CACHD1: variants seen among roughly 807,000 people sequenced by gnomAD.
The protein encoded by CACHD1 is cache domain containing 1.
Under a neutral mutation model 138.7 loss-of-function variants are expected in CACHD1, and 71 were observed. That is an observed-to-expected ratio of 0.51 (90% confidence interval 0.42 to 0.62). The LOEUF (loss-of-function observed/expected upper bound fraction) is 0.62, where lower values mean the gene tolerates loss of function less well. Among genes scored for constraint, CACHD1 ranks in the 20% least tolerant of loss-of-function variants. CACHD1 has a pLI of 0.00. For synonymous variants in CACHD1, 578 were observed against 591.5 expected, an observed-to-expected ratio of 0.98 and a Z score of 0.33; for missense variants, 1,389 against 1,625.3, an observed-to-expected ratio of 0.85 and a Z score of 2.50.
At position 64,671,631 on chromosome 1, in the gene CACHD1, A is replaced by G; in HGVS notation, c.2455A>G (p.Lys819Glu). ...GIDFTLRYFY[K>E]VLMDLLPVCN... ...TGACTTCACACTCAGATACTTCTACAAAGTTCTGATGGACCTATTACCTGT... is the reference window on the plus strand; with the variant it reads ...TGACTTCACACTCAGATACTTCTACGAAGTTCTGATGGACCTATTACCTGT... Residue 819 changes from lysine to glutamate, a missense_variant, in exon 17 of 27, where the codon AAA (lysine) becomes GAA (glutamate). This residue lies in a region of CACHD1 where 1,000 missense variants were observed against 1,114.7 expected (regional missense o/e 0.90). Coordinates refer to ENST00000651257, the MANE Select transcript of CACHD1 (RefSeq NM_020925.4). 6.2e-7 allele frequency: 1 copy of G among 1,614,086 alleles called. No individual in the cohort carries two copies. The highest frequency in any genetic ancestry group is 8.5e-7 in the Non-Finnish European group (1 of 1,179,976).
intron 4 of CACHD1, among the ~76,000 whole-genome samples, chr1:64,628,564 G>C (rs1445931514): frequency 6.6e-6 from 1 of 152,172 alleles, no homozygotes; most frequent in Admixed American, 6.5e-5. Flanking sequence ...TTGGCACTTG[G>C]GCTGAGGGAA....
In CACHD1 at chr1:64,483,871, C is replaced by A. The variant is rs532454296; in HGVS notation, c.198+12929C>A. On this transcript the variant is annotated intron_variant, in intron 1 of 26. Coordinates refer to ENST00000651257, the MANE Select transcript of CACHD1 (RefSeq NM_020925.4). ...TGACCTTATCTTTTACCTTCCCCCCCCCCCTTGCATATAACTCTGTTCTTT... is the reference window on the plus strand; with the variant it reads ...TGACCTTATCTTTTACCTTCCCCCCACCCCTTGCATATAACTCTGTTCTTT... 2.3e-3 allele frequency among the ~76,000 whole-genome samples: 334 copies of A among 146,036 alleles called. 3 individuals are homozygous for A. In the East Asian group the frequency reaches 0.026, roughly 11 times the overall value.
rs988824245 is a variant in CACHD1, at chr1:64,566,490, C to A, written c.262-15666C>A. Among the ~76,000 whole-genome samples the A allele has an allele frequency of 3.3e-4, 47 of 143,442 alleles. 3 individuals carry two copies. Among genetic ancestry groups the A allele is most frequent in the Middle Eastern group, 3.5e-3 (1 of 282 alleles). 94.1% of individuals were successfully genotyped at this position (143,442 alleles called of 152,430 possible). ...TGTATGTTTTCAATTCCCCCCCCCCCACAAGGTATGGGGGAAGTACTGCCT... is the reference window on the plus strand; with the variant it reads ...TGTATGTTTTCAATTCCCCCCCCCCAACAAGGTATGGGGGAAGTACTGCCT... On this transcript the variant is annotated intron_variant, in intron 2 of 26. Coordinates refer to ENST00000651257, the MANE Select transcript of CACHD1 (RefSeq NM_020925.4).
chr1:64,495,885 G>A (rs959988998), intron 1 of CACHD1, among the ~76,000 whole-genome samples: 3 of 151,944 alleles, frequency 2.0e-5, no homozygotes, highest in Non-Finnish European at 2.9e-5. Flanking sequence ...ACAAAAGTTG[G>A]AATATCTAAT....
intron 1 of CACHD1, among the ~76,000 whole-genome samples, chr1:64,490,096 C>T (rs2100295157): frequency 6.6e-6 from 1 of 152,262 alleles, no homozygotes; most frequent in East Asian, 1.9e-4. Flanking sequence ...CATCTCAGCC[C>T]CTGCCCACTT....
At chr1:64,611,463 G>A (rs1273708696) in intron 4 of CACHD1, among the ~76,000 whole-genome samples, 1 of 152,180 alleles carries the variant, frequency 6.6e-6, no homozygotes. Flanking sequence ...AAACAGCAAG[G>A]TCAACTCTTG....
intron 2 of CACHD1, among the ~76,000 whole-genome samples, chr1:64,560,584 T>C (rs550465171): frequency 5.8e-4 from 88 of 152,252 alleles, no homozygotes; most frequent in Middle Eastern, 3.4e-3. Context: ...TTCAATCCTT[T>C]TTAATTAATT....
intron 25 of CACHD1, among the ~76,000 whole-genome samples, chr1:64,681,706 G>C (rs1015234586): frequency 4.0e-5 from 6 of 151,758 alleles, no homozygotes; most frequent in African/African-American, 1.5e-4. Context: ...ACAACTCAGG[G>C]AGGAAAAAAG....
intron 1 of CACHD1, among the ~76,000 whole-genome samples, chr1:64,520,295 A>G (rs1330358768): frequency 2.0e-5 from 3 of 152,168 alleles, no homozygotes; most frequent in Non-Finnish European, 4.4e-5. Context: ...TTTACCAGGG[A>G]TGGCCCATTT....
chr1:64,499,495 G>T (rs1646325298), intron 1 of CACHD1, among the ~76,000 whole-genome samples: 1 of 152,192 alleles, frequency 6.6e-6, no homozygotes, highest in Non-Finnish European at 1.5e-5. Flanking sequence ...GAGTATGATT[G>T]TATTAGGAGA....
chr1:64,617,684 A>G (rs1570421238), intron 4 of CACHD1, among the ~76,000 whole-genome samples: 1 of 152,298 alleles, frequency 6.6e-6, no homozygotes, highest in African/African-American at 2.4e-5. Context: ...GGCATGATCA[A>G]TGTGGTGGCA....
At chr1:64,628,137 A>G (rs528981011) in intron 4 of CACHD1, among the ~76,000 whole-genome samples, 6 of 152,358 alleles carry the variant, frequency 3.9e-5, no homozygotes, top group Non-Finnish European at 5.9e-5. Context: ...GTGAAGATCC[A>G]TCATCATTGT....
chr1:64,530,933 GTTT>G (rs369893062), intron 1 of CACHD1, among the ~76,000 whole-genome samples: 1 of 130,180 alleles, frequency 7.7e-6, no homozygotes, highest in African/African-American at 3.0e-5. Flanking sequence ...GTTTTTTTTT[GTTT>G]TTTTTTTTTT....
At chr1:64,567,260 A>G (rs2100500605) in intron 2 of CACHD1, among the ~76,000 whole-genome samples, 1 of 152,158 alleles carries the variant, frequency 6.6e-6, no homozygotes, top group South Asian at 2.1e-4. Context: ...GCATTTGTTC[A>G]TGCATTTGAT....
Position 64,676,993 on chromosome 1 carries a change from G to T in CACHD1, c.3074G>T (p.Ser1025Ile). 6.2e-7 allele frequency: 1 copy of T among 1,613,556 alleles called. No homozygotes were observed. Among genetic ancestry groups the T allele is most frequent in the Non-Finnish European group, 8.5e-7 (1 of 1,179,644 alleles). ...CACCAGTGTGTCAACAGCAGGTGCA[G>T]TCAGAGGCTGGAAAGTGGGTAAGCA... is the stretch of plus-strand genomic sequence containing the variant. ...ALHQCVNSRC[S>I]QRLESGDCFG... is the part of the protein sequence containing the mutation. Residue 1025 changes from serine to isoleucine, a missense_variant, in exon 22 of 27, where the codon AGT becomes ATT. Ser to Ile is a moderately radical substitution (Grantham distance 142). Around this residue, in one of 5 missense-constraint regions of CACHD1, gnomAD observed 250 missense variants for 292.9 expected, o/e 0.85. Transcript: ENST00000651257.
At chr1:64,637,388 G>A (rs1269092106) in intron 7 of CACHD1, among the ~76,000 whole-genome samples, 2 of 152,172 alleles carry the variant, frequency 1.3e-5, no homozygotes, top group African/African-American at 4.8e-5. Context: ...AGGAATGTCT[G>A]CCCAGTGCTG....
chr1:64,678,074 C>A, intron 22 of CACHD1, 85 bp from the exon 23 acceptor site: 1 of 1,409,946 alleles, frequency 7.1e-7, no homozygotes, highest in East Asian at 2.5e-5. Flanking sequence ...AATGGAGATC[C>A]TGAGAACTGT....
At chr1:64,628,992 T>C (rs1288717097) in intron 4 of CACHD1, among the ~76,000 whole-genome samples, 3 of 152,170 alleles carry the variant, frequency 2.0e-5, no homozygotes, top group Non-Finnish European at 4.4e-5. Context: ...AACATCACTG[T>C]TTTCTACAGT....
rs1557554443 is a variant in CACHD1 at position 64,679,611 on chromosome 1, AT to A, written c.3263del (p.Leu1088Ter). Reference sequence around the variant, plus strand: ...TCACTGAAGGTGATGAGGTGATCACATTAAACATGATTAAAAGCGCCCCTGT... The same window carrying A: ...TCACTGAAGGTGATGAGGTGATCACATAAACATGATTAAAAGCGCCCCTGT... ...MGAIGDEVIT[L>X]NMIKSAPVGP... is the part of the protein sequence containing the mutation. On this transcript the variant is annotated frameshift_variant, in exon 24 of 27. Coordinates refer to ENST00000651257, the MANE Select transcript of CACHD1 (RefSeq NM_020925.4). LOFTEE classifies it high-confidence loss of function. The A allele has an allele frequency of 6.2e-7, 1 of 1,614,202 alleles. No homozygotes were observed.
Sources: allele counts gnomAD v4.1 joint callset (sites outside exome capture counted in the v4.1 genomes callset), GRCh38; gene constraint gnomAD v4.1.1; regional missense constraint gnomAD v4.1.1; transcripts MANE v1.5; gene names NCBI Gene and HGNC (gene_info 2026-07-23, HGNC 2026-07-21).